COL5A1: variants seen among roughly 807,000 people sequenced by gnomAD.
COL5A1 encodes collagen type V alpha 1 chain.
COL5A1 carries 16 observed loss-of-function variants against 263.7 expected under a neutral mutation model. The ratio of observed to expected loss-of-function variants is 0.06; its 90% CI spans 0.04 to 0.09. The LOEUF is 0.09. Among genes scored for constraint, COL5A1 ranks in the 10% least tolerant of loss-of-function variants. The pLI is 1.00. For synonymous variants in COL5A1, 1,012 were observed against 1,004.5 expected (o/e 1.01, Z -0.14); for missense variants, 2,036 against 2,540.5 (o/e 0.80, Z 4.27).
rs143787925 is a variant in COL5A1 at position 134,744,948 on chromosome 9, C to T, written c.1495-5594C>T. Among the ~76,000 whole-genome samples, 12 of 152,384 alleles carry T rather than the reference C, an allele frequency of 7.9e-5. No individual in the cohort carries two copies. In the East Asian group the frequency reaches 2.1e-3, roughly 27 times the overall value. ...GCACGTGCACACACATCTACATGCACGCGTGCGCTGTCTGGGTTCACCTCC... is the reference window on the plus strand; with the variant it reads ...GCACGTGCACACACATCTACATGCATGCGTGCGCTGTCTGGGTTCACCTCC... On this transcript the variant is annotated intron_variant, in intron 11 of 65. Coordinates refer to ENST00000371817, the MANE Select transcript of COL5A1 (RefSeq NM_000093.5).
chr9:134,767,849 C>T (rs551200847), intron 24 of COL5A1, among the ~76,000 whole-genome samples: 1 of 152,298 alleles, frequency 6.6e-6, no homozygotes, highest in South Asian at 2.1e-4. Flanking sequence ...CTCCAAGTGC[C>T]TTGGTTGCGA....
chr9:134,795,431 A>G, intron 34 of COL5A1, 116 bp downstream of exon 34: 1 of 897,080 alleles, frequency 1.1e-6, no homozygotes, highest in South Asian at 1.7e-5. Flanking sequence ...AAAAAAAGGC[A>G]GGACATTTTC....
intron 1 of COL5A1, among the ~76,000 whole-genome samples, chr9:134,645,909 C>G (rs1262546049): frequency 6.6e-6 from 1 of 152,220 alleles, no homozygotes; most frequent in Non-Finnish European, 1.5e-5. Flanking sequence ...TTGGCCAACA[C>G]AGCTTTTAAG....
At chr9:134,761,517 T>C (rs1836443034) in intron 18 of COL5A1, among the ~76,000 whole-genome samples, 1 of 152,240 alleles carries the variant, frequency 6.6e-6, no homozygotes, top group Non-Finnish European at 1.5e-5. Flanking sequence ...TGAGCACATA[T>C]TGAGCACCCA....
chr9:134,655,286 G>A (rs985750210), intron 1 of COL5A1, among the ~76,000 whole-genome samples: 4 of 151,886 alleles, frequency 2.6e-5, no homozygotes, highest in Non-Finnish European at 5.9e-5. Flanking sequence ...TTTGTGCATC[G>A]ATGTGGGAGG....
intron 1 of COL5A1, among the ~76,000 whole-genome samples, chr9:134,675,349 T>A (rs1444562476): frequency 6.6e-6 from 1 of 151,304 alleles, no homozygotes; most frequent in Non-Finnish European, 1.5e-5. Context: ...CAAAAATTGG[T>A]CACTTAAAAA....
intron 2 of COL5A1, among the ~76,000 whole-genome samples, chr9:134,699,287 C>A (rs1012877286): frequency 6.6e-6 from 1 of 152,214 alleles, no homozygotes; most frequent in African/African-American, 2.4e-5. Flanking sequence ...CTCCCGTTAA[C>A]ATACTAGGGA....
chr9:134,715,380 G>T (rs1294134938), intron 4 of COL5A1, among the ~76,000 whole-genome samples: 1 of 152,088 alleles, frequency 6.6e-6, no homozygotes. Flanking sequence ...ACATTCTATT[G>T]CCCAGGGACG....
intron 39 of COL5A1, among the ~76,000 whole-genome samples, chr9:134,803,210 G>A (rs1838175650): frequency 6.6e-6 from 1 of 152,182 alleles, no homozygotes; most frequent in African/African-American, 2.4e-5. Context: ...TGAAGGGGGA[G>A]CGCAGGGGTC....
At chr9:134,836,005 G>A (rs963761278) in intron 65 of COL5A1, among the ~76,000 whole-genome samples, 8 of 152,208 alleles carry the variant, frequency 5.3e-5, no homozygotes, top group African/African-American at 1.7e-4. Context: ...GGTGGGAATC[G>A]CTGAGAATTC....
Position 134,771,435 on chromosome 9 carries a change from C to T in COL5A1, c.2287-1355C>T, listed in dbSNP as rs1029531420. On this transcript the variant is annotated intron_variant, in intron 25 of 65. Coordinates refer to ENST00000371817, the MANE Select transcript of COL5A1 (RefSeq NM_000093.5). ...GCACGTCCCCTCCCAGCTGGAGCAG[C>T]GGGTGAGGTCCCGCAGGTGCCTGGA... Among the ~76,000 whole-genome samples the T allele has an allele frequency of 5.3e-5, 8 of 152,188 alleles. No individual in the cohort carries two copies. In the East Asian group the frequency reaches 5.8e-4, roughly 11 times the overall value.
intron 1 of COL5A1, among the ~76,000 whole-genome samples, chr9:134,656,022 C>T (rs539870631): frequency 6.6e-6 from 1 of 152,102 alleles, no homozygotes; most frequent in African/African-American, 2.4e-5. Context: ...GGAGGGTGGG[C>T]AGGTCCAGCT....
intron 2 of COL5A1, among the ~76,000 whole-genome samples, chr9:134,693,304 C>T (rs541930300): frequency 2.0e-5 from 3 of 152,198 alleles, no homozygotes; most frequent in South Asian, 4.2e-4. Context: ...GCCTGGGCAA[C>T]GGAGTGAGTG....
rs762069769 is a variant in COL5A1, at chr9:134,691,090, C to T, written c.277+11C>T. 1 of 1,612,466 alleles carries T rather than the reference C, an allele frequency of 6.2e-7. No homozygotes were observed. Among genetic ancestry groups the T allele is most frequent in the Non-Finnish European group, 8.5e-7 (1 of 1,180,018 alleles). ...AGCAGCTGTACCCTGGTAAGTGCCG[C>T]ACCCTTCTGTTTGGGGCGGTGGGTC... On this transcript the variant is annotated intron_variant, in intron 2 of 65. Transcript: ENST00000371817.
intron 11 of COL5A1, among the ~76,000 whole-genome samples, chr9:134,744,366 C>A (rs540880418): frequency 7.9e-5 from 12 of 152,148 alleles, no homozygotes; most frequent in African/African-American, 2.7e-4. Context: ...CTCATGCATA[C>A]ATGCCCACAC....
chr9:134,762,637 C>T (rs1442199198), intron 19 of COL5A1, among the ~76,000 whole-genome samples: 1 of 152,190 alleles, frequency 6.6e-6, no homozygotes, highest in Non-Finnish European at 1.5e-5. Context: ...CCTGCAGGCA[C>T]CGCAGTCACT....
chr9:134,738,659 C>T (rs867337878), intron 10 of COL5A1, 87 bp from the exon 11 acceptor site: 3 of 1,476,290 alleles, frequency 2.0e-6, no homozygotes, highest in African/African-American at 1.4e-5. Flanking sequence ...ATCCCACCCC[C>T]ACCTCTGCCT....
intron 1 of COL5A1, among the ~76,000 whole-genome samples, chr9:134,648,468 C>T (rs1182882023): frequency 6.6e-6 from 1 of 152,042 alleles, no homozygotes; most frequent in Non-Finnish European, 1.5e-5. Flanking sequence ...AGGCAGCCGG[C>T]AAGACTCCTG....
intron 62 of COL5A1, among the ~76,000 whole-genome samples, chr9:134,825,139 C>T (rs917793797): frequency 2.6e-5 from 4 of 152,194 alleles, no homozygotes; most frequent in African/African-American, 7.2e-5. Context: ...GCTTGAACCT[C>T]GTGTTCCTGA....
Sources: allele counts gnomAD v4.1 joint callset (sites outside exome capture counted in the v4.1 genomes callset), GRCh38; gene constraint gnomAD v4.1.1; transcripts MANE v1.5; gene names NCBI Gene and HGNC (gene_info 2026-07-23, HGNC 2026-07-21).